GRIK4: variants seen among roughly 807,000 people sequenced by gnomAD.
GRIK4 encodes glutamate receptor ionotropic, kainate 4.
Under a neutral mutation model 104.9 loss-of-function variants are expected in GRIK4, and 40 were observed. The observed-to-expected ratio is 0.38, with a 90% CI of 0.30 to 0.50. GRIK4 has a LOEUF of 0.50. Ranked by LOEUF, GRIK4 falls within the 20% of genes least tolerant of loss-of-function variation. GRIK4 has a pLI of 0.93. For missense variants in GRIK4, 1,047 were observed against 1,308.1 expected, an observed-to-expected ratio of 0.80 and a Z score of 3.08; for synonymous variants, 485 against 524.9, an observed-to-expected ratio of 0.92 and a Z score of 1.04.
In GRIK4 at chr11:120,697,594, G is replaced by A. The variant is rs1223703741; in HGVS notation, c.82+37194G>A. Among the ~76,000 whole-genome samples, 4 of 152,138 alleles carry A rather than the reference G, an allele frequency of 2.6e-5. No homozygotes were observed. The East Asian group carries it at 5.8e-4, about 22-fold the overall frequency. ...TGCACCATTGCACTCCAGTCTGGGC[G>A]ACAGAGTGAGACTCTGTCTCCAAAA... On this transcript the variant is annotated intron_variant, in intron 3 of 20. Coordinates refer to ENST00000527524, the MANE Select transcript of GRIK4 (RefSeq NM_014619.5).
intron 1 of GRIK4, among the ~76,000 whole-genome samples, chr11:120,533,675 C>T (rs61900895): frequency 0.033 from 4,998 of 152,218 alleles, 111 homozygotes; most frequent in Middle Eastern, 0.088. Context: ...GCTAGGAGTT[C>T]GAGACCAGCC....
At chr11:120,878,765 C>A (rs1240982613) in intron 11 of GRIK4, among the ~76,000 whole-genome samples, 1 of 152,170 alleles carries the variant, frequency 6.6e-6, no homozygotes, top group Non-Finnish European at 1.5e-5. Flanking sequence ...ATCCCAATCA[C>A]CGCCCGATCT....
intron 9 of GRIK4, chr11:120,872,218 CAG>C (rs1386710360): frequency 3.2e-6 from 1 of 307,850 alleles, no homozygotes; most frequent in Admixed American, 4.4e-5. Flanking sequence ...TTACAGGTAA[CAG>C]AAATTGTTGC....
chr11:120,586,142 C>G (rs1467470218), intron 1 of GRIK4, among the ~76,000 whole-genome samples: 1 of 151,984 alleles, frequency 6.6e-6, no homozygotes, highest in Non-Finnish European at 1.5e-5. Flanking sequence ...AGCCATGGAG[C>G]TGTAGTTGTA....
intron 12 of GRIK4, among the ~76,000 whole-genome samples, chr11:120,901,743 G>T (rs964499529): frequency 6.6e-6 from 1 of 152,164 alleles, no homozygotes; most frequent in Non-Finnish European, 1.5e-5. Flanking sequence ...TCTCAGAGCC[G>T]GGAATTACAC....
chr11:120,852,386 A>G (rs1167305858), intron 8 of GRIK4, among the ~76,000 whole-genome samples: 1 of 152,224 alleles, frequency 6.6e-6, no homozygotes, highest in Non-Finnish European at 1.5e-5. Context: ...GCACTTGCTA[A>G]GCGCAAGTGT....
intron 3 of GRIK4, among the ~76,000 whole-genome samples, chr11:120,773,565 G>A (rs560676714): frequency 6.6e-6 from 1 of 152,326 alleles, no homozygotes; most frequent in East Asian, 1.9e-4. Flanking sequence ...TGCTCCTCAG[G>A]AAATTCCAGG....
At chr11:120,973,077 A>G (rs1207288194) in intron 19 of GRIK4, among the ~76,000 whole-genome samples, 1 of 152,208 alleles carries the variant, frequency 6.6e-6, no homozygotes, top group Non-Finnish European at 1.5e-5. Flanking sequence ...AATGGAGAAG[A>G]CACTGGATTT....
intron 7 of GRIK4, among the ~76,000 whole-genome samples, chr11:120,835,907 T>C (rs1565382603): frequency 6.6e-6 from 1 of 152,164 alleles, no homozygotes; most frequent in Non-Finnish European, 1.5e-5. Flanking sequence ...TTCTCAACTG[T>C]GGAGTGATGC....
intron 1 of GRIK4, among the ~76,000 whole-genome samples, chr11:120,575,093 G>A (rs994919177): frequency 6.6e-6 from 1 of 152,178 alleles, no homozygotes; most frequent in Non-Finnish European, 1.5e-5. Context: ...CTGCTCATCA[G>A]GCTTCTCAGC....
chr11:120,798,526 G>C (rs1952565127), intron 3 of GRIK4, among the ~76,000 whole-genome samples: 1 of 152,044 alleles, frequency 6.6e-6, no homozygotes, highest in African/African-American at 2.4e-5. Flanking sequence ...GACCAGGCTG[G>C]AATGCGGTGG....
At chr11:120,783,432 C>T (rs1262039057) in intron 3 of GRIK4, among the ~76,000 whole-genome samples, 1 of 152,116 alleles carries the variant, frequency 6.6e-6, no homozygotes, top group Non-Finnish European at 1.5e-5. Context: ...TTCCTTCTCG[C>T]CTTCCCTGTT....
intron 1 of GRIK4, among the ~76,000 whole-genome samples, chr11:120,627,338 G>T (rs546625300): frequency 3.3e-5 from 5 of 152,352 alleles, no homozygotes; most frequent in Non-Finnish European, 5.9e-5. Context: ...AAGCCACACA[G>T]CGCAGTGCAA....
chr11:120,855,598 G>T (rs938158912), intron 8 of GRIK4, among the ~76,000 whole-genome samples: 4 of 146,364 alleles, frequency 2.7e-5, no homozygotes, highest in Non-Finnish European at 4.5e-5. Flanking sequence ...AGTCTCTGTT[G>T]CCCAGGCTGG....
chr11:120,832,163 TTC>T lies in GRIK4; in HGVS notation c.690+135_690+136del, dbSNP rs1953448099. On this transcript the variant is annotated intron_variant, in intron 7 of 20. Transcript: ENST00000527524. Reference sequence around the variant, plus strand: ...AACTCTTACAAACCTCTCTCTGTGCTTCTGTTTTCAATGAGCGGTTCCCGAAA... The same window carrying T: ...AACTCTTACAAACCTCTCTCTGTGCTTGTTTTCAATGAGCGGTTCCCGAAA... The T allele has an allele frequency of 3.5e-5, 20 of 576,264 alleles. No individual in the cohort carries two copies. In the South Asian group the frequency reaches 5.3e-4, roughly 15 times the overall value. 35.7% of individuals were successfully genotyped at this position (576,264 alleles called of 1,614,324 possible).
chr11:120,976,531 G>A (rs1011903908), intron 19 of GRIK4, among the ~76,000 whole-genome samples: 1 of 152,166 alleles, frequency 6.6e-6, no homozygotes, highest in Non-Finnish European at 1.5e-5. Flanking sequence ...CACTTGCATG[G>A]CTATAGGTGA....
chr11:120,620,898 T>C (rs1319671610), intron 1 of GRIK4, among the ~76,000 whole-genome samples: 1 of 152,150 alleles, frequency 6.6e-6, no homozygotes, highest in East Asian at 1.9e-4. Flanking sequence ...TCCAGTGAAG[T>C]AGATATCATT....
chr11:120,933,198 G>A (rs1943517512), intron 13 of GRIK4, among the ~76,000 whole-genome samples: 1 of 152,258 alleles, frequency 6.6e-6, no homozygotes, highest in Non-Finnish European at 1.5e-5. Flanking sequence ...GGTCACCCGG[G>A]AAAGGCCGCA....
intron 3 of GRIK4, among the ~76,000 whole-genome samples, chr11:120,783,848 A>G (rs768032173): frequency 4.6e-5 from 7 of 152,278 alleles, no homozygotes; most frequent in Non-Finnish European, 8.8e-5. Context: ...GTGTCCAGGA[A>G]AAAAACGATG....
Sources: allele counts gnomAD v4.1 joint callset (sites outside exome capture counted in the v4.1 genomes callset), GRCh38; gene constraint gnomAD v4.1.1; transcripts MANE v1.5; gene names NCBI Gene and HGNC (gene_info 2026-07-23, HGNC 2026-07-21).